SEC31A: variants seen among roughly 807,000 people sequenced by gnomAD.
SEC31A encodes the protein protein transport protein Sec31A.
Under a neutral mutation model 151.0 loss-of-function variants are expected in SEC31A, and 70 were observed. The ratio of observed to expected loss-of-function variants is 0.46; its 90% CI spans 0.38 to 0.57. The LOEUF is 0.57. Among genes scored for constraint, SEC31A ranks in the 20% least tolerant of loss-of-function variants. The pLI is 0.00. For synonymous variants in SEC31A, 475 were observed against 505.9 expected, an observed-to-expected ratio of 0.94 and a Z score of 0.82; for missense variants, 1,330 against 1,471.2, an observed-to-expected ratio of 0.90 and a Z score of 1.57.
chr4:82,839,051 C>T (rs1728113677), intron 22 of SEC31A, among the ~76,000 whole-genome samples: 1 of 152,224 alleles, frequency 6.6e-6, no homozygotes, highest in South Asian at 2.1e-4. Context: ...GATCTCAGCT[C>T]ACTGCAACCT....
chr4:82,844,510 C>T lies in SEC31A; in HGVS notation c.2503-1G>A. 1 of 1,613,032 alleles carries T rather than the reference C, an allele frequency of 6.2e-7. No individual in the cohort carries two copies. Among genetic ancestry groups the T allele is most frequent in the Non-Finnish European group, 8.5e-7 (1 of 1,179,274 alleles). On this transcript the variant is annotated splice_acceptor_variant, in intron 20 of 26. Transcript: ENST00000395310. LOFTEE classifies it high-confidence loss of function. ...AACCCGGAGGTGGAGGATTTTCTCC[C>T]TAAGAAACAAGAACATGGTAAGAAG... is the stretch of plus-strand genomic sequence containing the variant.
Position 82,856,989 on chromosome 4 carries a change from T to C in SEC31A, c.1844A>G (p.Lys615Arg), listed in dbSNP as rs1334713859. 1.9e-6 allele frequency: 3 copies of C among 1,610,554 alleles called. No homozygotes were observed. The East Asian group carries it at 6.7e-5, about 36-fold the overall frequency. The change falls in exon 16 of 27, where the codon AAA becomes AGA. Residue 615 changes from lysine to arginine, a missense_variant. Coordinates refer to ENST00000395310, the MANE Select transcript of SEC31A (RefSeq NM_001077207.4). ...GGQELLARTQ[K>R]KYFAKSQSKI... Reference sequence around the variant, plus strand: ...GCTTTGGGATTTTGCGAAGTATTTTTTCTGGGTTCGAGCCAAGAGTTCTTG... The same window carrying C: ...GCTTTGGGATTTTGCGAAGTATTTTCTCTGGGTTCGAGCCAAGAGTTCTTG...
chr4:82,893,994 T>C (rs544124982), upstream of SEC31A: 19 of 152,276 alleles, frequency 1.2e-4, no homozygotes, highest in African/African-American at 4.6e-4. Context: ...TGCCTAGTGA[T>C]TTCCCATCAA....
intron 18 of SEC31A, 121 bp from the exon 19 acceptor site, chr4:82,851,725 C>T: frequency 5.0e-6 from 4 of 799,188 alleles, no homozygotes; most frequent in Non-Finnish European, 7.8e-6. Flanking sequence ...CTGTTATCAT[C>T]CCTCCTAGAA....
At chr4:82,890,929 G>A (rs1719597004) in intron 1 of SEC31A, 159 bp downstream of exon 1, 1 of 1,412,854 alleles carries the variant, frequency 7.1e-7, no homozygotes, top group Non-Finnish European at 9.2e-7. Flanking sequence ...TTGTTCCGCC[G>A]GGCCCGAAAC....
upstream of SEC31A, among the ~76,000 whole-genome samples, chr4:82,891,430 G>C (rs1191685452): frequency 6.6e-6 from 1 of 152,202 alleles, no homozygotes; most frequent in Non-Finnish European, 1.5e-5. Flanking sequence ...GGGTAGCCAG[G>C]ACTAGTGGGT....
At chr4:82,872,270 C>A (rs1168878700) in intron 6 of SEC31A, among the ~76,000 whole-genome samples, 184 bp from the exon 7 acceptor site, 1 of 152,102 alleles carries the variant, frequency 6.6e-6, no homozygotes, top group Non-Finnish European at 1.5e-5. Flanking sequence ...TCACTGCAAC[C>A]TCCACCTCCC....
intron 20 of SEC31A, among the ~76,000 whole-genome samples, chr4:82,847,420 A>G (rs1433162487): frequency 6.6e-6 from 1 of 152,258 alleles, no homozygotes; most frequent in Non-Finnish European, 1.5e-5. Context: ...AGATTGGTAA[A>G]TCAAAGTATA....
At position 82,882,324 on chromosome 4, in the gene SEC31A, C is replaced by A. The variant is rs926392503; in HGVS notation, c.-4-384G>T. Among the ~76,000 whole-genome samples the A allele has an allele frequency of 2.1e-5, 3 of 143,808 alleles. No individual in the cohort carries two copies. In the South Asian group the frequency reaches 6.6e-4, roughly 31 times the overall value. 94.3% of individuals were successfully genotyped at this position (143,808 alleles called of 152,430 possible). A position where few individuals can be genotyped will look rare whatever the true frequency, so the allele number is the denominator to read the frequency against. ...AGGCTGAGGCAGGAGAATGGCATGA[C>A]CCGGAAGACAGAGCTTGCAGTGAGT... On this transcript the variant is annotated intron_variant, in intron 1 of 26. Coordinates refer to ENST00000395310, the MANE Select transcript of SEC31A (RefSeq NM_001077207.4).
In SEC31A at chr4:82,848,917, G is replaced by T; in HGVS notation, c.2389C>A (p.His797Asn). Residue 797 changes from histidine (H) to asparagine (N), a missense_variant, in exon 20 of 27, where the codon CAT becomes AAT. Physicochemically the swap from His to Asn is moderately conservative, Grantham distance 68 (BLOSUM62 1). Transcript: ENST00000395310. ...TCGTACGGAATTTTAGGTGATTCAT[G>T]TCCTGCTACAGGCTCTCCTTGTGCT... is the stretch of plus-strand genomic sequence containing the variant. ...CRAQGEPVAG[H>N]ESPKIPYEKQ... 6.2e-7 allele frequency: 1 copy of T among 1,614,140 alleles called. No individual in the cohort carries two copies. The highest frequency in any genetic ancestry group is 8.5e-7 in the Non-Finnish European group (1 of 1,180,014).
chr4:82,886,027 C>T lies in SEC31A; in HGVS notation c.-4-4087G>A, dbSNP rs1740620062. Among the ~76,000 whole-genome samples, 2 of 145,992 alleles carry T rather than the reference C, an allele frequency of 1.4e-5. 1 individual carries two copies. Among genetic ancestry groups the T allele is most frequent in the Admixed American group, 1.5e-4 (2 of 13,718 alleles). ...CAGAAAGTTAGACAATCTGTACATGCTAGCAAGGGGGCAAGGGGCAGAGCC... is the reference window on the plus strand; with the variant it reads ...CAGAAAGTTAGACAATCTGTACATGTTAGCAAGGGGGCAAGGGGCAGAGCC... On this transcript the variant is annotated intron_variant, in intron 1 of 26. Coordinates refer to ENST00000395310, the MANE Select transcript of SEC31A (RefSeq NM_001077207.4).
chr4:82,870,236 AC>A, intron 8 of SEC31A, 88 bp downstream of exon 8: 1 of 956,028 alleles, frequency 1.0e-6, no homozygotes, highest in Admixed American at 2.0e-5. Flanking sequence ...ATAGTAATCC[AC>A]TAAAGAATCC....
chr4:82,827,305 C>T (rs1724829611), intron 24 of SEC31A, 64 bp downstream of exon 24: 3 of 1,519,074 alleles, frequency 2.0e-6, no homozygotes, highest in South Asian at 2.5e-5. Flanking sequence ...AAAGTTAGCA[C>T]ATTAAAGAAA....
At chr4:82,827,263 T>G (rs1407307856) in intron 24 of SEC31A, 106 bp downstream of exon 24, 2 of 1,279,764 alleles carry the variant, frequency 1.6e-6, no homozygotes, top group Admixed American at 4.5e-5. Context: ...GTTTAGGTTG[T>G]CTAGATGTTT....
At chr4:82,887,934 T>C (rs1741128353) in intron 1 of SEC31A, among the ~76,000 whole-genome samples, 1 of 151,234 alleles carries the variant, frequency 6.6e-6, no homozygotes, top group Non-Finnish European at 1.5e-5. Flanking sequence ...TAGTCCCAGC[T>C]ACTCGGGAGG....
chr4:82,874,702 A>G lies in SEC31A; in HGVS notation c.548T>C (p.Ile183Thr). 1.2e-6 allele frequency: 2 copies of G among 1,613,322 alleles called. No homozygotes were observed. Among genetic ancestry groups the G allele is most frequent in the Non-Finnish European group, 1.7e-6 (2 of 1,179,896 alleles). The change falls in exon 6 of 27, where the codon ATT (isoleucine) becomes ACT (threonine). Residue 183 changes from isoleucine (I) to threonine (T), a missense_variant. Physicochemically the swap from Ile to Thr is moderately conservative, Grantham distance 89 (BLOSUM62 -1). Coordinates refer to ENST00000395310, the MANE Select transcript of SEC31A (RefSeq NM_001077207.4). Reference protein sequence around the residue: ...CIAWNRQVQHILASASPSGRA... With the variant: ...CIAWNRQVQHTLASASPSGRA... Reference sequence around the variant, plus strand: ...GCCACTGGGACTGGCTGATGCTAAAATATGCTGAACTTGTCTGTTCCATGC... The same window carrying G: ...GCCACTGGGACTGGCTGATGCTAAAGTATGCTGAACTTGTCTGTTCCATGC...
At chr4:82,862,349 G>C (rs1734388995) in intron 13 of SEC31A, among the ~76,000 whole-genome samples, 185 bp downstream of exon 13, 1 of 151,820 alleles carries the variant, frequency 6.6e-6, no homozygotes, top group Admixed American at 6.6e-5. Context: ...CAAGAGAAAG[G>C]AATGCTCTAC....
chr4:82,854,364 CA>C (rs11349113), intron 17 of SEC31A, among the ~76,000 whole-genome samples: 82,782 of 130,144 alleles, frequency 0.64, 27,403 homozygotes, highest in Non-Finnish European at 0.75. Flanking sequence ...ACTCCGTCTC[CA>C]AAAAAAAAAA....
intron 1 of SEC31A, among the ~76,000 whole-genome samples, chr4:82,886,256 C>T (rs935346813): frequency 6.6e-6 from 1 of 152,228 alleles, no homozygotes; most frequent in Non-Finnish European, 1.5e-5. Flanking sequence ...GGATGTATCA[C>T]ATGGTTAAAA....
Sources: gnomAD v4.1 joint callset for allele counts (sites outside exome capture counted in the v4.1 genomes callset) on GRCh38, gnomAD v4.1.1 for gene constraint, MANE v1.5 for transcripts, NCBI Gene and HGNC (gene_info 2026-07-23, HGNC 2026-07-21) for gene names.